The following EYS variants were observed in gnomAD, a reference collection of about 807,000 sequenced individuals.
The protein encoded by EYS is protein eyes shut homolog.
In EYS, 250 loss-of-function variants were observed where a neutral mutation model predicts 282.1. The observed-to-expected ratio is 0.89, with a 90% CI of 0.80 to 0.98. EYS has a LOEUF of 0.98. EYS is among the 50% of genes least tolerant of loss of function. The pLI is 0.00. For missense variants in EYS, 4,016 were observed against 3,709.0 expected, an observed-to-expected ratio of 1.08 and a Z score of -2.15; for synonymous variants, 1,355 against 1,282.9, an observed-to-expected ratio of 1.06 and a Z score of -1.20.
At chr6:65,559,666 T>C (rs745676372) in intron 2 of EYS, among the ~76,000 whole-genome samples, 7 of 152,154 alleles carry the variant, frequency 4.6e-5, no homozygotes, top group Non-Finnish European at 1.5e-5. Flanking sequence ...AAATAAAGTA[T>C]ACAGTTGAGC....
chr6:64,578,617 GT>G (rs201926106), intron 26 of EYS, among the ~76,000 whole-genome samples: 4,089 of 146,672 alleles, frequency 0.028, 116 homozygotes, highest in East Asian at 0.11. Flanking sequence ...GTGTGTGTGT[GT>G]GTGGTGTGTG....
intron 40 of EYS, among the ~76,000 whole-genome samples, chr6:63,771,729 T>A (rs887323146): frequency 6.6e-6 from 1 of 151,990 alleles, no homozygotes; most frequent in Non-Finnish European, 1.5e-5. Context: ...TTGATGAAAA[T>A]CCACAGTGAA....
chr6:63,824,742 G>C (rs1434933911), intron 36 of EYS, among the ~76,000 whole-genome samples: 1 of 152,190 alleles, frequency 6.6e-6, no homozygotes, highest in Non-Finnish European at 1.5e-5. Flanking sequence ...GGAAGCAGCA[G>C]AAAGGCCCTG....
chr6:64,544,150 C>CA (rs1764774548), intron 26 of EYS, among the ~76,000 whole-genome samples: 1 of 152,080 alleles, frequency 6.6e-6, no homozygotes, highest in Non-Finnish European at 1.5e-5. Context: ...AGCTTACTGC[C>CA]ATTTGGGTTT....
chr6:64,394,284 T>G (rs1773276751), intron 28 of EYS, among the ~76,000 whole-genome samples: 1 of 152,054 alleles, frequency 6.6e-6, no homozygotes, highest in Non-Finnish European at 1.5e-5. Context: ...AAAACTACTT[T>G]AAAATTCATA....
intron 19 of EYS, among the ~76,000 whole-genome samples, chr6:64,837,050 A>G (rs1433227750): frequency 2.0e-5 from 3 of 151,748 alleles, no homozygotes; most frequent in Admixed American, 6.6e-5. Flanking sequence ...AATTCATGTG[A>G]TCAAATCCTA....
chr6:64,393,043 A>C lies in EYS; in HGVS notation c.5928-4203T>G, dbSNP rs534892613. 2.4e-4 allele frequency among the ~76,000 whole-genome samples: 36 copies of C among 152,352 alleles called. 1 individual carries two copies. The South Asian group carries it at 7.5e-3, about 32-fold the overall frequency. ...GTAGAAAATCTAGAAGAAATGGATA[A>C]ATTCCTCGACACATACACTCTCCCA... On this transcript the variant is annotated intron_variant, in intron 28 of 42. Coordinates refer to ENST00000503581, the MANE Select transcript of EYS (RefSeq NM_001142800.2).
chr6:65,110,490 G>A (rs747078515), intron 12 of EYS, among the ~76,000 whole-genome samples: 5 of 152,066 alleles, frequency 3.3e-5, no homozygotes, highest in Admixed American at 6.6e-5. Flanking sequence ...AGAGGGCAAG[G>A]ACATTTGAAT....
At chr6:65,118,642 A>G (rs972781088) in intron 12 of EYS, among the ~76,000 whole-genome samples, 1 of 152,196 alleles carries the variant, frequency 6.6e-6, no homozygotes, top group Admixed American at 6.5e-5. Context: ...CAGTTCACTA[A>G]CCAGTTATGT....
intron 22 of EYS, among the ~76,000 whole-genome samples, chr6:64,658,538 G>T (rs1413064211): frequency 5.3e-5 from 8 of 152,108 alleles, no homozygotes; most frequent in African/African-American, 1.2e-4. Flanking sequence ...TTTTGGTGTG[G>T]ATGTCCTTTC....
chr6:64,729,647 G>A lies in EYS; in HGVS notation c.3443+83731C>T, dbSNP rs1583088628. ...TGGATGCTTATTGGCAAGCAGGTTGGTAAGTAGTTTGGTATAAAAGTAATC... is the reference window on the plus strand; with the variant it reads ...TGGATGCTTATTGGCAAGCAGGTTGATAAGTAGTTTGGTATAAAAGTAATC... On this transcript the variant is annotated intron_variant, in intron 22 of 42. Coordinates refer to ENST00000503581, the MANE Select transcript of EYS (RefSeq NM_001142800.2). Among the ~76,000 whole-genome samples the A allele has an allele frequency of 3.9e-5, 6 of 152,290 alleles. No individual in the cohort carries two copies. In the Middle Eastern group the frequency reaches 0.014, roughly 345 times the overall value.
intron 22 of EYS, among the ~76,000 whole-genome samples, chr6:64,799,800 G>A (rs538859643): frequency 6.6e-6 from 1 of 151,780 alleles, no homozygotes; most frequent in South Asian, 2.1e-4. Flanking sequence ...TTAAGTATCT[G>A]AATATCTACA....
intron 12 of EYS, among the ~76,000 whole-genome samples, chr6:65,218,774 T>C (rs1442046259): frequency 6.6e-6 from 1 of 152,048 alleles, no homozygotes; most frequent in Non-Finnish European, 1.5e-5. Context: ...AAACAATGAA[T>C]TCTAAATAAA....
At chr6:64,229,238 G>A (rs1766343101) in intron 31 of EYS, among the ~76,000 whole-genome samples, 2 of 152,118 alleles carry the variant, frequency 1.3e-5, no homozygotes, top group Admixed American at 1.3e-4. Flanking sequence ...TCATGCCATT[G>A]CACTCCAGCC....
In EYS at chr6:65,497,702, G is replaced by A. The variant is rs62407698; in HGVS notation, c.-332-1709C>T. ...AATAAATAAATCCTCACTTAACTTT[G>A]TCCATAGGTTCTTGGAAACTGCGAC... On this transcript the variant is annotated intron_variant, in intron 2 of 42. Coordinates refer to ENST00000503581, the MANE Select transcript of EYS (RefSeq NM_001142800.2). Among the ~76,000 whole-genome samples, 326 of 152,096 alleles carry A rather than the reference G, an allele frequency of 2.1e-3. 1 individual carries two copies. The highest frequency in any genetic ancestry group is 2.7e-3 in the South Asian group (13 of 4,816).
intron 26 of EYS, among the ~76,000 whole-genome samples, chr6:64,570,828 A>G (rs575108878): frequency 6.6e-6 from 1 of 152,266 alleles, no homozygotes; most frequent in East Asian, 1.9e-4. Flanking sequence ...CCCATACAAT[A>G]ATGGTGGGAG....
At position 64,591,854 on chromosome 6, in the gene EYS, C is replaced by G. The variant is rs939559130; in HGVS notation, c.4013G>C (p.Ser1338Thr). 1.3e-6 allele frequency: 2 copies of G among 1,551,118 alleles called. No homozygotes were observed. The highest frequency in any genetic ancestry group is 2.4e-5 in the South Asian group (2 of 84,056). The part of the protein sequence containing the change: ...IVTRELSAKH[S>T]LLSSADVSSS... ...GGAAACATCTGCGGAAGAAAGAAGA[C>G]TGTGTTTTGCTGAAAGCTCTCTAGT... is the stretch of plus-strand genomic sequence containing the variant. The change falls in exon 26 of 43, where the codon AGT becomes ACT. Residue 1338 changes from serine (S) to threonine (T), a missense_variant. Physicochemically the swap from Ser to Thr is moderately conservative, Grantham distance 58 (BLOSUM62 1). Transcript: ENST00000503581.
intron 31 of EYS, among the ~76,000 whole-genome samples, chr6:64,146,744 C>G (rs1329332994): frequency 6.6e-6 from 1 of 152,046 alleles, no homozygotes; most frequent in Non-Finnish European, 1.5e-5. Flanking sequence ...TTGAACAGCA[C>G]CATGGGAGAT....
At chr6:65,310,664 C>G (rs1159634177) in intron 11 of EYS, among the ~76,000 whole-genome samples, 1 of 152,176 alleles carries the variant, frequency 6.6e-6, no homozygotes, top group East Asian at 1.9e-4. Flanking sequence ...GTCATCTAGT[C>G]CTTACTGTTC....
Sources: gnomAD v4.1 joint callset for allele counts (sites outside exome capture counted in the v4.1 genomes callset) on GRCh38, gnomAD v4.1.1 for gene constraint, MANE v1.5 for transcripts, NCBI Gene and HGNC (gene_info 2026-07-23, HGNC 2026-07-21) for gene names.